LARGE1: variants seen among roughly 807,000 people sequenced by gnomAD.
LARGE1 encodes LARGE xylosyl- and glucuronyltransferase 1.
A neutral mutation model predicts 87.6 loss-of-function variants in LARGE1; 43 were observed. The ratio of observed to expected loss-of-function variants is 0.49; its 90% CI spans 0.38 to 0.63. The LOEUF (loss-of-function observed/expected upper bound fraction) is 0.63, where lower values mean the gene tolerates loss of function less well. LARGE1 is among the 30% of genes least tolerant of loss of function. The pLI is 0.00. For synonymous variants in LARGE1, 434 were observed against 394.6 expected (o/e 1.10, Z -1.18); for missense variants, 802 against 1,000.2 (o/e 0.80, Z 2.67).
intron 6 of LARGE1, among the ~76,000 whole-genome samples, chr22:33,562,354 T>C (rs1054174426): frequency 6.6e-6 from 1 of 152,216 alleles, no homozygotes; most frequent in Admixed American, 6.5e-5. Flanking sequence ...AAAAACGCAA[T>C]GCACTCTGCC....
chr22:33,117,138 T>C, the LARGE1 span, among the ~76,000 whole-genome samples: 1 of 151,620 alleles, frequency 6.6e-6, no homozygotes, highest in Non-Finnish European at 1.5e-5. Context: ...AGTGATTCTC[T>C]GTCTATCAAT....
rs139572378 is a variant in LARGE1, at chr22:33,384,321, G to C, written c.893-17C>G. 2,310 of 1,571,596 alleles carry C rather than the reference G, an allele frequency of 1.5e-3. 2 individuals carry two copies. The highest frequency in any genetic ancestry group is 1.8e-3 in the Non-Finnish European group (2,051 of 1,142,090). On this transcript the variant is annotated splice_polypyrimidine_tract_variant and intron_variant, in intron 7 of 14. Transcript: ENST00000397394. ...GGATCACCCCTGGGCAACAGCACAG[G>C]ATAAAAGAGAAAATTAAAAAATAAA...
chr22:33,215,055 C>CA (rs1421293530), intron 11 of LARGE1, among the ~76,000 whole-genome samples: 2 of 152,224 alleles, frequency 1.3e-5, no homozygotes, highest in Non-Finnish European at 2.9e-5. Flanking sequence ...GATATACTTT[C>CA]AGGGGCATTC....
chr22:33,680,085 G>A (rs2081711507), intron 2 of LARGE1, among the ~76,000 whole-genome samples: 1 of 152,128 alleles, frequency 6.6e-6, no homozygotes, highest in South Asian at 2.1e-4. Flanking sequence ...GTGGCTCATG[G>A]CCCTGATTTG....
At chr22:33,352,692 G>A (rs889052998) in intron 9 of LARGE1, among the ~76,000 whole-genome samples, 4 of 152,096 alleles carry the variant, frequency 2.6e-5, no homozygotes, top group African/African-American at 9.7e-5. Flanking sequence ...AACTTGGGAG[G>A]TGGAGGTTGC....
chr22:33,806,042 C>T (rs1042693712), intron 1 of LARGE1, among the ~76,000 whole-genome samples: 10 of 152,190 alleles, frequency 6.6e-5, no homozygotes, highest in African/African-American at 2.4e-4. Flanking sequence ...AATTCCAAAA[C>T]TTTTCCATGA....
chr22:33,614,916 C>T (rs1455804009), intron 4 of LARGE1, among the ~76,000 whole-genome samples: 1 of 152,230 alleles, frequency 6.6e-6, no homozygotes, highest in African/African-American at 2.4e-5. Flanking sequence ...CAGGGTTGAG[C>T]ATGCTCTCCT....
At chr22:33,233,245 T>C (rs1926096609) in intron 11 of LARGE1, among the ~76,000 whole-genome samples, 1 of 152,080 alleles carries the variant, frequency 6.6e-6, no homozygotes, top group Non-Finnish European at 1.5e-5. Context: ...GTTGTCTAAG[T>C]CAGGTTGTTA....
chr22:33,827,134 G>C (rs577206388), intron 1 of LARGE1, among the ~76,000 whole-genome samples: 21 of 151,966 alleles, frequency 1.4e-4, no homozygotes, highest in African/African-American at 5.1e-4. Flanking sequence ...AGGCCGAGGC[G>C]GGCAGATCAT....
At chr22:33,699,143 G>A (rs934163835) in intron 2 of LARGE1, among the ~76,000 whole-genome samples, 22 of 152,128 alleles carry the variant, frequency 1.4e-4, no homozygotes, top group African/African-American at 3.6e-4. Context: ...ACATCTGCTC[G>A]GCAAGTAGAG....
At chr22:33,394,223 G>C (rs1292516059) in intron 7 of LARGE1, among the ~76,000 whole-genome samples, 2 of 139,720 alleles carry the variant, frequency 1.4e-5, no homozygotes, top group Non-Finnish European at 3.0e-5. Context: ...TTTTGAGACA[G>C]AGTCTCGCTC....
chr22:33,329,451 C>T (rs182437942), intron 10 of LARGE1, among the ~76,000 whole-genome samples: 41 of 150,844 alleles, frequency 2.7e-4, no homozygotes, highest in Admixed American at 7.9e-4. Context: ...GGGAAGGGGG[C>T]GTTGGCTGCC....
chr22:33,255,019 C>G (rs1177018965), intron 11 of LARGE1, among the ~76,000 whole-genome samples: 1 of 150,428 alleles, frequency 6.6e-6, no homozygotes, highest in Non-Finnish European at 1.5e-5. Context: ...CTCACTGCAA[C>G]CTCCGCCCCC....
intron 11 of LARGE1, among the ~76,000 whole-genome samples, chr22:33,247,489 A>G (rs921430457): frequency 6.6e-6 from 1 of 152,226 alleles, no homozygotes; most frequent in South Asian, 2.1e-4. Flanking sequence ...TCACATCCAA[A>G]TGCTGCCACA....
the LARGE1 span, among the ~76,000 whole-genome samples, chr22:33,112,354 G>C: frequency 1.3e-5 from 2 of 152,212 alleles, no homozygotes; most frequent in African/African-American, 4.8e-5. Context: ...TGTTTATGGA[G>C]GACAGTAATA....
At chr22:33,143,456 C>T in the LARGE1 span, among the ~76,000 whole-genome samples, 1 of 152,134 alleles carries the variant, frequency 6.6e-6, no homozygotes, top group South Asian at 2.1e-4. Context: ...AGAAGATGGT[C>T]ACCAAAAGAG....
the LARGE1 span, among the ~76,000 whole-genome samples, chr22:33,114,810 A>G: frequency 6.6e-6 from 1 of 152,196 alleles, no homozygotes; most frequent in Non-Finnish European, 1.5e-5. Context: ...GACAAAACAT[A>G]CCATTTTAAG....
At chr22:33,650,699 T>G (rs1490664763) in intron 2 of LARGE1, 31 bp from the exon 3 acceptor site, 1 of 1,597,012 alleles carries the variant, frequency 6.3e-7, no homozygotes, top group Admixed American at 1.7e-5. Context: ...GAAGCTTTAA[T>G]CTGGATGAAC....
chr22:33,633,317 TGGA>T (rs2080166591), intron 3 of LARGE1, among the ~76,000 whole-genome samples: 1 of 152,118 alleles, frequency 6.6e-6, no homozygotes, highest in Non-Finnish European at 1.5e-5. Flanking sequence ...GAGAGCATCT[TGGA>T]GGAGAAGGCA....
Sources: gnomAD v4.1 joint callset for allele counts (sites outside exome capture counted in the v4.1 genomes callset) on GRCh38, gnomAD v4.1.1 for gene constraint, MANE v1.5 for transcripts, NCBI Gene and HGNC (gene_info 2026-07-23, HGNC 2026-07-21) for gene names.